TMEM11: variants seen among roughly 807,000 people sequenced by gnomAD.
TMEM11 encodes the protein transmembrane protein 11, mitochondrial.
Under a neutral mutation model 17.0 loss-of-function variants are expected in TMEM11, and 1 was observed. That is an observed-to-expected ratio of 0.06 (90% CI 0.02 to 0.28). TMEM11 has a LOEUF of 0.28. TMEM11 is among the 10% of genes least tolerant of loss of function. The pLI is 1.00. For missense variants in TMEM11, 172 were observed against 252.9 expected (o/e 0.68, Z 2.17); for synonymous variants, 122 against 118.1 (o/e 1.03, Z -0.21).
At chr17:21,208,988 C>T (rs977753303) in intron 1 of TMEM11, among the ~76,000 whole-genome samples, 3 of 152,212 alleles carry the variant, frequency 2.0e-5, no homozygotes, top group Non-Finnish European at 2.9e-5. Context: ...GACCTCCACC[C>T]GCTTCTGCCT....
intron 1 of TMEM11, among the ~76,000 whole-genome samples, chr17:21,209,661 C>T (rs540059725): frequency 4.5e-4 from 68 of 152,136 alleles, no homozygotes; most frequent in Non-Finnish European, 9.6e-4. Context: ...CCCAGCTACT[C>T]GGGAGGCTGG....
At chr17:21,209,936 T>C (rs1456706474) in intron 1 of TMEM11, among the ~76,000 whole-genome samples, 1 of 152,172 alleles carries the variant, frequency 6.6e-6, no homozygotes, top group Non-Finnish European at 1.5e-5. Flanking sequence ...CAGCTTTTCC[T>C]GAGAACTGTG....
intron 1 of TMEM11, among the ~76,000 whole-genome samples, chr17:21,203,292 C>T (rs1357931724): frequency 1.3e-5 from 2 of 152,236 alleles, no homozygotes; most frequent in African/African-American, 4.8e-5. Flanking sequence ...GTCAGCACTC[C>T]AACTTCCTGG....
At chr17:21,202,310 G>A (rs1035376143) in intron 1 of TMEM11, among the ~76,000 whole-genome samples, 1 of 152,182 alleles carries the variant, frequency 6.6e-6, no homozygotes, top group Admixed American at 6.5e-5. Flanking sequence ...ACCTTGGGGC[G>A]GGCACCAGAG....
At chr17:21,203,182 G>C (rs1358914821) in intron 1 of TMEM11, among the ~76,000 whole-genome samples, 1 of 152,228 alleles carries the variant, frequency 6.6e-6, no homozygotes, top group Non-Finnish European at 1.5e-5. Flanking sequence ...TAAGGCAACA[G>C]ACCCTATATG....
intron 1 of TMEM11, among the ~76,000 whole-genome samples, chr17:21,203,784 C>G (rs966188903): frequency 1.3e-4 from 20 of 151,712 alleles, no homozygotes; most frequent in Admixed American, 3.3e-4. Flanking sequence ...CAGCAGCCAC[C>G]CGTATATGGC....
intron 1 of TMEM11, among the ~76,000 whole-genome samples, chr17:21,202,472 T>G (rs934413152): frequency 5.3e-5 from 8 of 152,164 alleles, no homozygotes; most frequent in African/African-American, 1.9e-4. Context: ...AAAACCACTG[T>G]TGGTCCCACA....
chr17:21,207,882 T>C (rs577902363), intron 1 of TMEM11, among the ~76,000 whole-genome samples: 41 of 151,852 alleles, frequency 2.7e-4, no homozygotes, highest in African/African-American at 9.4e-4. Context: ...GAGCGAGACA[T>C]TGTCTCAAAA....
intron 1 of TMEM11, chr17:21,213,798 C>G (rs1975029907): frequency 2.3e-6 from 1 of 440,892 alleles, no homozygotes; most frequent in African/African-American, 2.1e-5. Flanking sequence ...GAGGCCTGCG[C>G]TGGGCGCCAG....
intron 1 of TMEM11, chr17:21,210,859 T>C: frequency 8.3e-7 from 1 of 1,206,166 alleles, no homozygotes; most frequent in Non-Finnish European, 1.1e-6. Flanking sequence ...TTGCCTCATA[T>C]CATGCTCAGA....
intron 1 of TMEM11, among the ~76,000 whole-genome samples, chr17:21,210,065 A>AGG (rs1472682226): frequency 6.6e-6 from 1 of 152,194 alleles, no homozygotes; most frequent in Non-Finnish European, 1.5e-5. Context: ...ATTGAAGAAC[A>AGG]GGTGCACACC....
Position 21,214,079 on chromosome 17 carries a change from C to G in TMEM11, c.62+12G>C. 1 of 1,608,394 alleles carries G rather than the reference C, an allele frequency of 6.2e-7. No individual in the cohort carries two copies. Among genetic ancestry groups the G allele is most frequent in the Non-Finnish European group, 8.5e-7 (1 of 1,178,684 alleles). The stretch of plus-strand genomic sequence containing the variant: ...CCGCCTGCACTGGGGGCAACAAGCC[C>G]TTGGATCTCACCTCTCTCGGGCGCT... On this transcript the variant is annotated intron_variant, in intron 1 of 1. Transcript: ENST00000317635.
rs1326257998 is a variant in TMEM11 at position 21,198,948 on chromosome 17, C to A, written c.63-108G>T. 1.7e-6 allele frequency: 2 copies of A among 1,211,618 alleles called. No individual in the cohort carries two copies. The highest frequency in any genetic ancestry group is 2.3e-6 in the Non-Finnish European group (2 of 879,078). 75.1% of individuals were successfully genotyped at this position (1,211,618 alleles called of 1,614,324 possible). A position where few individuals can be genotyped will look rare whatever the true frequency, so the allele number is the denominator to read the frequency against. On this transcript the variant is annotated intron_variant, in intron 1 of 1. Transcript: ENST00000317635. This position sits in a 1 kb window ranked among gnomAD's most constrained non-coding sequence, Gnocchi z 6.5. ...CTGGGGGAGGTCTGAGCCTGCACTG[C>A]GGAGAGCACATCTCACTTGGGTCCT...
intron 1 of TMEM11, among the ~76,000 whole-genome samples, chr17:21,200,623 T>G (rs1320829142): frequency 6.6e-6 from 1 of 152,030 alleles, no homozygotes. Flanking sequence ...CCTGCTGGAG[T>G]CCATGCCCTT....
At chr17:21,206,023 A>G (rs1457106770) in intron 1 of TMEM11, among the ~76,000 whole-genome samples, 1 of 145,384 alleles carries the variant, frequency 6.9e-6, no homozygotes, top group Admixed American at 6.9e-5. Flanking sequence ...GTGCACAAAC[A>G]TCTCTTTGAG....
Position 21,213,920 on chromosome 17 carries a change from G to A in TMEM11, c.62+171C>T. 4.6e-6 allele frequency: 3 copies of A among 650,702 alleles called. No individual in the cohort carries two copies. The South Asian group carries it at 5.8e-5, about 13-fold the overall frequency. The allele number at this position is 650,702 out of a possible 1,614,324, so 40.3% of individuals were successfully genotyped here. On this transcript the variant is annotated intron_variant, in intron 1 of 1. Coordinates refer to ENST00000317635, the MANE Select transcript of TMEM11 (RefSeq NM_003876.3). ...GCTCTCCGCCGAGGCCTTCGACCTCGCTCCCACCCGGATCCCGGATCCTCC... is the reference window on the plus strand; with the variant it reads ...GCTCTCCGCCGAGGCCTTCGACCTCACTCCCACCCGGATCCCGGATCCTCC...
intron 1 of TMEM11, among the ~76,000 whole-genome samples, chr17:21,199,131 C>T (rs988248098): frequency 8.3e-5 from 12 of 144,394 alleles, no homozygotes; most frequent in Non-Finnish European, 1.5e-4. Flanking sequence ...CCAGCCTGGC[C>T]AACATGGTGA....
At chr17:21,209,435 G>A (rs1974978772) in intron 1 of TMEM11, among the ~76,000 whole-genome samples, 1 of 152,016 alleles carries the variant, frequency 6.6e-6, no homozygotes, top group Non-Finnish European at 1.5e-5. Context: ...ACATGTGGCT[G>A]TTGAAATTTA....
chr17:21,214,057 C>T (rs747656139), intron 1 of TMEM11, 34 bp downstream of exon 1: 1 of 1,595,530 alleles, frequency 6.3e-7, no homozygotes, highest in Admixed American at 1.7e-5. Context: ...CGCTGAGCCG[C>T]CTGCACTGGG....
Sources: gnomAD v4.1 joint callset for allele counts (sites outside exome capture counted in the v4.1 genomes callset) on GRCh38, gnomAD v4.1.1 for gene constraint, Gnocchi (gnomAD v3.1) non-coding constraint, MANE v1.5 for transcripts, NCBI Gene and HGNC (gene_info 2026-07-23, HGNC 2026-07-21) for gene names.